Variants in CEP350 observed in about 807,000 individuals in gnomAD.
CEP350 encodes the protein centrosomal protein 350, also known as centrosome-associated protein 350.
A neutral mutation model predicts 331.8 loss-of-function variants in CEP350; 126 were observed. The ratio of observed to expected loss-of-function variants is 0.38; its 90% CI spans 0.33 to 0.44. The LOEUF (loss-of-function observed/expected upper bound fraction) is 0.44. Among genes scored for constraint, CEP350 ranks in the 20% least tolerant of loss-of-function variants. The pLI is 1.00. For missense variants in CEP350, 3,406 were observed against 3,634.6 expected (o/e 0.94, Z 1.62); for synonymous variants, 1,200 against 1,259.5 (o/e 0.95, Z 1.00).
At chr1:180,036,846 G>A in intron 16 of CEP350, 80 bp from the exon 17 acceptor site, 2 of 1,396,728 alleles carry the variant, frequency 1.4e-6, no homozygotes, top group Non-Finnish European at 1.9e-6. Flanking sequence ...GTTGATTTTG[G>A]CTCTTAAAAT....
chr1:180,044,731 G>C (rs1486025237), intron 21 of CEP350, among the ~76,000 whole-genome samples: 3 of 150,144 alleles, frequency 2.0e-5, no homozygotes, highest in African/African-American at 7.4e-5. Flanking sequence ...AATGCTAAAT[G>C]ACGAGTTAAT....
rs893386129 is a variant in CEP350 at position 180,024,965 on chromosome 1, C to A, written c.3550+383C>A. ...TTTGAGACGGAGTCTCACTCTGTCGCCCAGGCTGGAGTGCAGTGGCGTGAT... is the reference window on the plus strand; with the variant it reads ...TTTGAGACGGAGTCTCACTCTGTCGACCAGGCTGGAGTGCAGTGGCGTGAT... On this transcript the variant is annotated intron_variant, in intron 14 of 37. Coordinates refer to ENST00000367607, the MANE Select transcript of CEP350 (RefSeq NM_014810.5). 6.6e-5 allele frequency among the ~76,000 whole-genome samples: 10 copies of A among 151,122 alleles called. No homozygotes were observed. The South Asian group carries it at 8.3e-4, about 13-fold the overall frequency.
At chr1:180,056,564 G>C (rs935113354) in intron 25 of CEP350, among the ~76,000 whole-genome samples, 13 of 142,288 alleles carry the variant, frequency 9.1e-5, no homozygotes, top group Admixed American at 9.1e-4. Flanking sequence ...CTGCCTCTAG[G>C]GCTCAAGCAA....
Position 180,014,393 on chromosome 1 carries a change from C to G in CEP350, c.1940C>G (p.Pro647Arg). The change falls in exon 10 of 38, where the codon CCT becomes CGT. Residue 647 changes from proline to arginine, a missense_variant. Pro to Arg is a moderately radical substitution (Grantham distance 103). Around this residue, in one of 5 missense-constraint regions of CEP350, gnomAD observed 1,857 missense variants for 1,909.2 expected, o/e 0.97. Coordinates refer to ENST00000367607, the MANE Select transcript of CEP350 (RefSeq NM_014810.5). ...KEAFTKVKNV[P>R]PSEPSATRRL... ...GCCTTTACTAAAGTAAAAAATGTCC[C>G]TCCTTCTGAGCCATCAGCAACTAGG... 2 of 1,600,430 alleles carry G rather than the reference C, an allele frequency of 1.2e-6. No homozygotes were observed. The highest frequency in any genetic ancestry group is 1.7e-6 in the Non-Finnish European group (2 of 1,173,218).
intron 1 of CEP350, among the ~76,000 whole-genome samples, chr1:179,982,585 T>C (rs185637573): frequency 3.4e-4 from 52 of 152,304 alleles, no homozygotes; most frequent in East Asian, 1.2e-3. Flanking sequence ...TGGACACATA[T>C]GTAGTTTTTG....
rs765312014 is a variant in CEP350 at position 180,111,114 on chromosome 1, G to T, written c.9307G>T (p.Val3103Phe). The T allele has an allele frequency of 1.9e-5, 31 of 1,613,882 alleles. No homozygotes were observed. Among genetic ancestry groups the T allele is most frequent in the Admixed American group, 5.0e-5 (3 of 59,998 alleles). ...GACCCTGATCAAAGATACTATTGAT[G>T]TTCTGAATCAGATCAGTGAAAAGCA... is the stretch of plus-strand genomic sequence containing the variant. ...FETLIKDTIDVLNQISEKQGR... is the reference protein window; with the variant it reads ...FETLIKDTIDFLNQISEKQGR... Residue 3103 changes from valine (V) to phenylalanine (F), a missense_variant, in exon 38 of 38, where the codon GTT (valine) becomes TTT (phenylalanine). Physicochemically the swap from Val to Phe is conservative, Grantham distance 50. Around this residue, in one of 5 missense-constraint regions of CEP350, gnomAD observed 29 missense variants for 52.8 expected, o/e 0.55. Transcript: ENST00000367607.
In CEP350 at chr1:180,010,019, A is replaced by G. The variant is rs536244120; in HGVS notation, c.1247-1910A>G. The stretch of plus-strand genomic sequence containing the variant: ...ACAGATAAAACCACTATCCAGACTT[A>G]AATAAAGAACTAGTATTACTTTGTA... On this transcript the variant is annotated intron_variant, in intron 8 of 37. Coordinates refer to ENST00000367607, the MANE Select transcript of CEP350 (RefSeq NM_014810.5). Among the ~76,000 whole-genome samples the G allele has an allele frequency of 4.0e-4, 61 of 152,258 alleles. 1 individual carries two copies. The highest frequency in any genetic ancestry group is 9.6e-4 in the East Asian group (5 of 5,192).
intron 1 of CEP350, among the ~76,000 whole-genome samples, chr1:179,979,148 G>C (rs150604262): frequency 2.0e-3 from 307 of 152,194 alleles, no homozygotes; most frequent in African/African-American, 6.9e-3. Context: ...TCTCCATACT[G>C]TTTTCCATAG....
chr1:179,972,442 A>G (rs542864817), intron 1 of CEP350, among the ~76,000 whole-genome samples: 3 of 152,112 alleles, frequency 2.0e-5, no homozygotes, highest in Non-Finnish European at 2.9e-5. Flanking sequence ...GGAAAAGAGT[A>G]TGTATGGAAA....
chr1:180,041,356 A>T, intron 18 of CEP350, 108 bp downstream of exon 18: 1 of 798,942 alleles, frequency 1.3e-6, no homozygotes, highest in Non-Finnish European at 1.9e-6. Context: ...ATATATAAAT[A>T]ATAAAGTTTT....
chr1:179,966,846 A>T (rs1399368726), intron 1 of CEP350, among the ~76,000 whole-genome samples: 1 of 152,142 alleles, frequency 6.6e-6, no homozygotes, highest in African/African-American at 2.4e-5. Flanking sequence ...CTGAGAGAGA[A>T]CTTACCCACA....
chr1:180,099,869 T>C (rs1660702415), intron 37 of CEP350, among the ~76,000 whole-genome samples: 1 of 148,886 alleles, frequency 6.7e-6, no homozygotes, highest in African/African-American at 2.5e-5. Flanking sequence ...CACTGCAGCC[T>C]CTGCCTCCCA....
In CEP350 at chr1:179,955,445, C is replaced by T. The variant is rs1262383027; in HGVS notation, c.-14+303C>T. On this transcript the variant is annotated intron_variant, in intron 1 of 37. Coordinates refer to ENST00000367607, the MANE Select transcript of CEP350 (RefSeq NM_014810.5). ...TAAGATACCTCTAGCCTTTGCTGCCCGGAGAAGTGTCCCTTCTTCATCTGG... is the reference window on the plus strand; with the variant it reads ...TAAGATACCTCTAGCCTTTGCTGCCTGGAGAAGTGTCCCTTCTTCATCTGG... Among the ~76,000 whole-genome samples, 5 of 152,180 alleles carry T rather than the reference C, an allele frequency of 3.3e-5. No individual in the cohort carries two copies. The East Asian group carries it at 9.6e-4, about 29-fold the overall frequency.
At chr1:179,975,536 T>G (rs574536651) in intron 1 of CEP350, among the ~76,000 whole-genome samples, 1 of 152,258 alleles carries the variant, frequency 6.6e-6, no homozygotes, top group African/African-American at 2.4e-5. Context: ...ATCTTAATTT[T>G]TTTTTTTACA....
At chr1:180,035,562 T>G (rs898022562) in intron 16 of CEP350, among the ~76,000 whole-genome samples, 1 of 152,198 alleles carries the variant, frequency 6.6e-6, no homozygotes, top group African/African-American at 2.4e-5. Context: ...CTAAATCTAC[T>G]CTGCCTGTGC....
At chr1:180,003,987 A>G (rs775527198) in intron 7 of CEP350, among the ~76,000 whole-genome samples, 2 of 152,172 alleles carry the variant, frequency 1.3e-5, no homozygotes, top group Non-Finnish European at 2.9e-5. Context: ...TTTCTGTGGC[A>G]TTAAGTGTCC....
At chr1:179,961,254 T>C (rs1424774512) in intron 1 of CEP350, among the ~76,000 whole-genome samples, 4 of 152,092 alleles carry the variant, frequency 2.6e-5, no homozygotes, top group Admixed American at 2.6e-4. Context: ...AAGACCAACC[T>C]GGCCAACGTG....
At chr1:180,101,699 G>C (rs1465609719) in intron 37 of CEP350, among the ~76,000 whole-genome samples, 1 of 152,146 alleles carries the variant, frequency 6.6e-6, no homozygotes, top group African/African-American at 2.4e-5. Context: ...CATACCAGTT[G>C]CAAGTCCAGG....
intron 1 of CEP350, among the ~76,000 whole-genome samples, chr1:179,962,403 T>C (rs569850425): frequency 6.6e-6 from 1 of 152,016 alleles, no homozygotes; most frequent in Admixed American, 6.6e-5. Flanking sequence ...GTTTTTTGTT[T>C]GTTTGTTTGT....
Sources: gnomAD v4.1 joint callset for allele counts (sites outside exome capture counted in the v4.1 genomes callset) on GRCh38, gnomAD v4.1.1 for gene constraint, gnomAD v4.1.1 regional missense constraint, MANE v1.5 for transcripts, NCBI Gene and HGNC (gene_info 2026-07-23, HGNC 2026-07-21) for gene names.